The following MRPS28 variants were observed in gnomAD, a reference collection of about 807,000 sequenced individuals.
MRPS28 encodes the protein mitochondrial ribosomal protein S28, also known as small ribosomal subunit protein bS1m.
In MRPS28, 7 loss-of-function variants were observed where a neutral mutation model predicts 10.8. That is an observed-to-expected ratio of 0.65 (90% CI 0.37 to 1.22). MRPS28 has a LOEUF of 1.22. Ranked by LOEUF, MRPS28 falls within the 50% of genes most tolerant of loss-of-function variation. The pLI is 0.02. For missense variants in MRPS28, 265 were observed against 232.9 expected (o/e 1.14, Z -0.90); for synonymous variants, 121 against 93.3 (o/e 1.30, Z -1.71).
chr8:80,011,488 T>C (rs1349144934), intron 1 of MRPS28, among the ~76,000 whole-genome samples: 2 of 151,910 alleles, frequency 1.3e-5, no homozygotes, highest in African/African-American at 4.8e-5. Flanking sequence ...GCATTGTGGC[T>C]CACGCCTGTG....
chr8:79,986,686 G>A (rs1808190651), intron 2 of MRPS28, among the ~76,000 whole-genome samples: 1 of 151,728 alleles, frequency 6.6e-6, no homozygotes, highest in African/African-American at 2.4e-5. Flanking sequence ...TTGCTTCAAA[G>A]AGAATAAAAT....
chr8:79,933,714 A>G (rs894904749), intron 2 of MRPS28, among the ~76,000 whole-genome samples: 5 of 152,216 alleles, frequency 3.3e-5, no homozygotes, highest in Non-Finnish European at 5.9e-5. Flanking sequence ...CTATTAGGAA[A>G]GAAGTATCAA....
intron 1 of MRPS28, among the ~76,000 whole-genome samples, chr8:80,014,270 G>A (rs1185591082): frequency 6.6e-6 from 1 of 152,062 alleles, no homozygotes; most frequent in Non-Finnish European, 1.5e-5. Flanking sequence ...TCTGGTAATA[G>A]GCATGTATTA....
chr8:79,944,308 T>A (rs1395433761), intron 2 of MRPS28, among the ~76,000 whole-genome samples: 2 of 152,230 alleles, frequency 1.3e-5, no homozygotes, highest in African/African-American at 4.8e-5. Context: ...TTGCAGGCTA[T>A]GAAGGAAGCA....
chr8:79,977,758 G>C (rs1807842490), intron 2 of MRPS28, among the ~76,000 whole-genome samples: 1 of 151,888 alleles, frequency 6.6e-6, no homozygotes, highest in South Asian at 2.1e-4. Flanking sequence ...CGGAGGTTGT[G>C]GTGAGCTGAG....
chr8:79,919,143 T>C lies in MRPS28; in HGVS notation c.401A>G (p.Tyr134Cys). 1 of 1,578,402 alleles carries C rather than the reference T, an allele frequency of 6.3e-7. No individual in the cohort carries two copies. Among genetic ancestry groups the C allele is most frequent in the Non-Finnish European group, 8.6e-7 (1 of 1,169,090 alleles). The change falls in exon 3 of 3, where the codon TAC becomes TGC. Residue 134 changes from tyrosine to cysteine, a missense_variant. Transcript: ENST00000276585. Reference protein sequence around the residue: ...CRRPEVDGEKYQKGTRVRLRL... With the variant: ...CRRPEVDGEKCQKGTRVRLRL... The stretch of plus-strand genomic sequence containing the variant: ...CAACCGGACCCTGGTTCCTTTCTGG[T>C]ATTTCCTAAATAGTTAAAAAAAAAA...
chr8:80,005,346 A>C (rs1490225043), intron 1 of MRPS28, among the ~76,000 whole-genome samples: 6 of 152,116 alleles, frequency 3.9e-5, no homozygotes, highest in Non-Finnish European at 7.3e-5. Context: ...ATTCTTAAAG[A>C]AAAGAATTTT....
intron 2 of MRPS28, among the ~76,000 whole-genome samples, chr8:79,928,139 C>T (rs1806349524): frequency 6.6e-6 from 1 of 151,804 alleles, no homozygotes; most frequent in Non-Finnish European, 1.5e-5. Context: ...GCCTGGTCAA[C>T]ACAGCGAGCC....
At chr8:79,984,704 C>G (rs1366816346) in intron 2 of MRPS28, among the ~76,000 whole-genome samples, 1 of 152,096 alleles carries the variant, frequency 6.6e-6, no homozygotes, top group Non-Finnish European at 1.5e-5. Context: ...GTAAAGGGAT[C>G]AATTCAACAA....
At chr8:79,922,225 T>TTA (rs1356897044) in intron 2 of MRPS28, among the ~76,000 whole-genome samples, 1 of 152,140 alleles carries the variant, frequency 6.6e-6, no homozygotes, top group African/African-American at 2.4e-5. Context: ...CTGGAGGACT[T>TTA]TATAAACCAG....
At chr8:79,983,686 G>T (rs200543311) in intron 2 of MRPS28, among the ~76,000 whole-genome samples, 1 of 152,138 alleles carries the variant, frequency 6.6e-6, no homozygotes, top group African/African-American at 2.4e-5. Flanking sequence ...GATGGAAGAT[G>T]AAATGAATGA....
rs1807614161 is a variant in MRPS28, at chr8:79,970,923, A to G, written c.395+32076T>C. ...ATTTGACAGTAGACTCAGTGGCACCACATGTATTGTTTGGGCTAAGAAATT... is the reference window on the plus strand; with the variant it reads ...ATTTGACAGTAGACTCAGTGGCACCGCATGTATTGTTTGGGCTAAGAAATT... On this transcript the variant is annotated intron_variant, in intron 2 of 2. Coordinates refer to ENST00000276585, the MANE Select transcript of MRPS28 (RefSeq NM_014018.3). Among the ~76,000 whole-genome samples the G allele has an allele frequency of 2.6e-5, 4 of 152,250 alleles. No individual in the cohort carries two copies. In the South Asian group the frequency reaches 8.3e-4, roughly 31 times the overall value.
chr8:79,990,387 C>A lies in MRPS28; in HGVS notation c.395+12612G>T, dbSNP rs575457883. ...TCCACTCTAGTCCAGCCTCTAATCA[C>A]CTCTTGTCTGGATTACAACAGTCTC... On this transcript the variant is annotated intron_variant, in intron 2 of 2. Coordinates refer to ENST00000276585, the MANE Select transcript of MRPS28 (RefSeq NM_014018.3). 2.0e-5 allele frequency among the ~76,000 whole-genome samples: 3 copies of A among 152,114 alleles called. No homozygotes were observed. The East Asian group carries it at 5.8e-4, about 29-fold the overall frequency.
chr8:79,964,482 T>C (rs1297347267), intron 2 of MRPS28, among the ~76,000 whole-genome samples: 1 of 152,102 alleles, frequency 6.6e-6, no homozygotes, highest in African/African-American at 2.4e-5. Context: ...TGAAATGTCA[T>C]TTCCCTAAGC....
At chr8:79,991,096 A>G (rs1216554534) in intron 2 of MRPS28, among the ~76,000 whole-genome samples, 1 of 152,178 alleles carries the variant, frequency 6.6e-6, no homozygotes, top group African/African-American at 2.4e-5. Flanking sequence ...GGCAGATTTC[A>G]GTGATAATTA....
chr8:79,963,768 T>C (rs1469064178), intron 2 of MRPS28, among the ~76,000 whole-genome samples: 1 of 152,058 alleles, frequency 6.6e-6, no homozygotes, highest in East Asian at 1.9e-4. Context: ...CCTCAGCCAC[T>C]GTTCACAGCT....
chr8:79,927,206 A>G (rs1386465339), intron 2 of MRPS28, among the ~76,000 whole-genome samples: 1 of 152,248 alleles, frequency 6.6e-6, no homozygotes, highest in East Asian at 1.9e-4. Context: ...GAATCATTTT[A>G]GCTTGGCTAC....
chr8:79,969,409 T>A (rs546979865), intron 2 of MRPS28, among the ~76,000 whole-genome samples: 22 of 152,242 alleles, frequency 1.4e-4, no homozygotes, highest in African/African-American at 5.3e-4. Flanking sequence ...TAAAACTGTA[T>A]AAAGAACTGA....
chr8:79,982,548 G>T (rs1362193579), intron 2 of MRPS28, among the ~76,000 whole-genome samples: 1 of 152,182 alleles, frequency 6.6e-6, no homozygotes, highest in Admixed American at 6.5e-5. Context: ...GGAAAATGGG[G>T]TCACTCCCAC....
Sources: gnomAD v4.1 joint callset for allele counts (sites outside exome capture counted in the v4.1 genomes callset) on GRCh38, gnomAD v4.1.1 for gene constraint, MANE v1.5 for transcripts, NCBI Gene and HGNC (gene_info 2026-07-23, HGNC 2026-07-21) for gene names.